The following RHOBTB2 variants were observed in gnomAD, a reference collection of about 807,000 sequenced individuals.
RHOBTB2 encodes the protein Rho related BTB domain containing 2.
RHOBTB2 carries 39 observed loss-of-function variants against 66.5 expected under a neutral mutation model. The ratio of observed to expected loss-of-function variants is 0.59; its 90% CI spans 0.45 to 0.77. RHOBTB2 has a LOEUF of 0.77. Among genes scored for constraint, RHOBTB2 ranks in the 30% least tolerant of loss-of-function variants. The pLI is 0.00. For synonymous variants in RHOBTB2, 390 were observed against 395.0 expected (o/e 0.99, Z 0.15); for missense variants, 755 against 999.1 (o/e 0.76, Z 3.29).
chr8:22,982,461 A>G (rs1429278985), upstream of RHOBTB2, among the ~76,000 whole-genome samples: 1 of 152,156 alleles, frequency 6.6e-6, no homozygotes, highest in East Asian at 1.9e-4. Flanking sequence ...GTCTCTACTA[A>G]AAATGCAAAA....
rs202167258 is a variant in RHOBTB2, at chr8:22,990,787, C to A, written c.-136-1281C>A. On this transcript the variant is annotated intron_variant, in intron 1 of 11. Transcript: ENST00000519685. ...GCAGCCTGTGGCCCCCGCCGCTCAA[C>A]CCAGGCCCCCGCATCCCAGGCCATC... Among the ~76,000 whole-genome samples the A allele has an allele frequency of 1.1e-3, 174 of 152,304 alleles. 1 individual carries two copies. The highest frequency in any genetic ancestry group is 4.1e-3 in the African/African-American group (170 of 41,572).
rs759045497 is a variant in RHOBTB2 at position 23,014,720 on chromosome 8, C to A, written c.1802C>A (p.Ala601Glu). ...TACACAGTGACCGGGCTGATGGAAG[C>A]GACCCAGATGATGGTGGACATCGAT... Reference protein sequence around the residue: ...EQYTVTGLMEATQMMVDIDGD... With the variant: ...EQYTVTGLMEETQMMVDIDGD... Residue 601 changes from alanine to glutamate, a missense_variant, in exon 8 of 10, where the codon GCG (alanine) becomes GAG (glutamate). Physicochemically the swap from Ala to Glu is moderately radical, Grantham distance 107 (BLOSUM62 -1). This residue lies in a region of RHOBTB2 where 353 missense variants were observed against 458.2 expected (regional missense o/e 0.77). Transcript: ENST00000251822. 2.5e-6 allele frequency: 4 copies of A among 1,614,002 alleles called. No homozygotes were observed. The highest frequency in any genetic ancestry group is 1.3e-5 in the African/African-American group (1 of 74,908).
chr8:22,983,419 G>A (rs1427233230), upstream of RHOBTB2, among the ~76,000 whole-genome samples: 4 of 151,498 alleles, frequency 2.6e-5, no homozygotes, highest in Non-Finnish European at 5.9e-5. Context: ...GGGAAGCTGA[G>A]GCAGGAGGAT....
At chr8:22,989,897 C>T (rs1025861233) in intron 1 of RHOBTB2, among the ~76,000 whole-genome samples, 2 of 152,216 alleles carry the variant, frequency 1.3e-5, no homozygotes, top group Non-Finnish European at 2.9e-5. Context: ...TGCCTGCCTG[C>T]TTTGCAGCCC....
the RHOBTB2 span, among the ~76,000 whole-genome samples, chr8:22,953,962 C>T: frequency 2.6e-5 from 4 of 152,304 alleles, no homozygotes; most frequent in Non-Finnish European, 2.9e-5. Context: ...ACTTGTAAAT[C>T]GTATCCTATT....
the RHOBTB2 span, among the ~76,000 whole-genome samples, chr8:22,961,114 C>A: frequency 6.6e-6 from 1 of 152,122 alleles, no homozygotes; most frequent in Admixed American, 6.5e-5. Flanking sequence ...ATTGCCCAGG[C>A]TAGTCTTGAA....
chr8:22,971,193 T>G, the RHOBTB2 span, among the ~76,000 whole-genome samples: 1 of 47,156 alleles, frequency 2.1e-5, no homozygotes, highest in African/African-American at 1.5e-4. Context: ...TTTTCTGTAT[T>G]TTTTTTTAAG....
intron 1 of RHOBTB2, among the ~76,000 whole-genome samples, chr8:23,003,403 A>G (rs1248009817): frequency 6.6e-6 from 1 of 152,244 alleles, no homozygotes; most frequent in Admixed American, 6.5e-5. Flanking sequence ...TTGCCCAGAA[A>G]TTCAGGCTCA....
upstream of RHOBTB2, among the ~76,000 whole-genome samples, chr8:22,996,866 G>A (rs777271673): frequency 3.9e-5 from 6 of 152,082 alleles, no homozygotes; most frequent in Non-Finnish European, 5.9e-5. Context: ...CCAGGATCTG[G>A]CATTGGAGAG....
chr8:23,004,088 C>G lies in RHOBTB2; in HGVS notation c.-10-337C>G. On this transcript the variant is annotated intron_variant, in intron 1 of 9. Coordinates refer to ENST00000251822, the MANE Select transcript of RHOBTB2 (RefSeq NM_015178.3). This position sits in a 1 kb window ranked among gnomAD's most constrained non-coding sequence, Gnocchi z 6.4. ...AGGAGGAGAGCAGATGAGTGAGCTGCCCTCTCTGGAGAGGGGACAGGGCAG... is the reference window on the plus strand; with the variant it reads ...AGGAGGAGAGCAGATGAGTGAGCTGGCCTCTCTGGAGAGGGGACAGGGCAG... The G allele has an allele frequency of 5.4e-6, 2 of 368,256 alleles. No individual in the cohort carries two copies. The highest frequency in any genetic ancestry group is 4.8e-5 in the South Asian group (2 of 42,012). The allele number at this position is 368,256 out of a possible 1,614,324, so 22.8% of individuals were successfully genotyped here.
In RHOBTB2 at chr8:23,004,600, A is replaced by G; in HGVS notation, c.166A>G (p.Ile56Val). The change falls in exon 2 of 10, where the codon ATC (isoleucine) becomes GTC (valine). Residue 56 changes from isoleucine to valine, a missense_variant. Coordinates refer to ENST00000251822, the MANE Select transcript of RHOBTB2 (RefSeq NM_015178.3). This position sits in a 1 kb window ranked among gnomAD's most constrained non-coding sequence, Gnocchi z 6.4. ...CACGCATGTGCCCACAGTATGGGCCATCGACCAATATCGTGTGTGCCAGGA... is the reference window on the plus strand; with the variant it reads ...CACGCATGTGCCCACAGTATGGGCCGTCGACCAATATCGTGTGTGCCAGGA... ...LATHVPTVWAIDQYRVCQEVL... is the reference protein window; with the variant it reads ...LATHVPTVWAVDQYRVCQEVL... The G allele has an allele frequency of 6.2e-7, 1 of 1,613,814 alleles. No homozygotes were observed. Among genetic ancestry groups the G allele is most frequent in the Non-Finnish European group, 8.5e-7 (1 of 1,179,948 alleles).
Position 23,017,140 on chromosome 8 carries a change from G to A in RHOBTB2, c.1967-112G>A, listed in dbSNP as rs914802229. 14 of 1,380,580 alleles carry A rather than the reference G, an allele frequency of 1.0e-5. No individual in the cohort carries two copies. Among genetic ancestry groups the A allele is most frequent in the African/African-American group, 4.3e-5 (3 of 70,266 alleles). 85.5% of individuals were successfully genotyped at this position (1,380,580 alleles called of 1,614,324 possible). On this transcript the variant is annotated intron_variant, in intron 9 of 9. Transcript: ENST00000251822. The surrounding 1 kb of genome is among the most constrained non-coding windows in gnomAD (Gnocchi z 5.3). ...TGCCGTGGGTCATGGGGATGTGCTG[G>A]GGGCTGGGCTGGAGGCCTGCTGCAG... is the stretch of plus-strand genomic sequence containing the variant.
chr8:22,964,375 A>C, the RHOBTB2 span, among the ~76,000 whole-genome samples: 3 of 152,354 alleles, frequency 2.0e-5, no homozygotes, highest in East Asian at 5.8e-4. Flanking sequence ...CTCATAAGTA[A>C]GCAGACCATG....
chr8:22,986,281 T>G (rs1810287735), upstream of RHOBTB2, among the ~76,000 whole-genome samples: 1 of 148,858 alleles, frequency 6.7e-6, no homozygotes, highest in African/African-American at 2.5e-5. Flanking sequence ...TTTTTTTTTT[T>G]TTTTTTTCTG....
the RHOBTB2 span, among the ~76,000 whole-genome samples, chr8:22,959,158 G>A: frequency 1.3e-5 from 2 of 152,208 alleles, no homozygotes; most frequent in African/African-American, 4.8e-5. Flanking sequence ...GCCTGCCATA[G>A]CATTCTCCCT....
chr8:22,991,155 G>A (rs1219540546), intron 1 of RHOBTB2, among the ~76,000 whole-genome samples: 1 of 152,094 alleles, frequency 6.6e-6, no homozygotes, highest in Non-Finnish European at 1.5e-5. Context: ...GAGGGCTGTG[G>A]GTCCGGAGAA....
intron 8 of RHOBTB2, among the ~76,000 whole-genome samples, chr8:23,015,199 G>T (rs144094795): frequency 6.6e-6 from 1 of 152,334 alleles, no homozygotes; most frequent in East Asian, 1.9e-4. Context: ...AAAGATTAGT[G>T]TGTGGAGTGG....
chr8:22,952,820 G>T, the RHOBTB2 span, among the ~76,000 whole-genome samples: 18 of 152,250 alleles, frequency 1.2e-4, no homozygotes, highest in Non-Finnish European at 2.1e-4. Context: ...CAGGAGAATT[G>T]CTTGAACTCG....
Position 22,999,632 on chromosome 8 carries a change from T to C in RHOBTB2, c.-484T>C, listed in dbSNP as rs778041967. 1.0e-4 allele frequency: 128 copies of C among 1,245,190 alleles called. No individual in the cohort carries two copies. In the African/African-American group the frequency reaches 1.2e-3, roughly 12 times the overall value. The allele number at this position is 1,245,190 out of a possible 1,614,324, so 77.1% of individuals were successfully genotyped here. On this transcript the variant is annotated 5_prime_UTR_variant, in exon 1 of 10. Coordinates refer to ENST00000251822, the MANE Select transcript of RHOBTB2 (RefSeq NM_015178.3). The stretch of plus-strand genomic sequence containing the variant: ...CCGTTTTTTTCTTTTCTTTTTTTTT[T>C]CCCTATCCTTTTTTTGTGAATGAAA...
Sources: gnomAD v4.1 joint callset for allele counts (sites outside exome capture counted in the v4.1 genomes callset) on GRCh38, gnomAD v4.1.1 for gene constraint, gnomAD v4.1.1 regional missense constraint, Gnocchi (gnomAD v3.1) non-coding constraint, MANE v1.5 for transcripts, NCBI Gene and HGNC (gene_info 2026-07-23, HGNC 2026-07-21) for gene names.